The following ZMAT4 variants were observed in gnomAD, a reference collection of about 807,000 sequenced individuals.
The protein encoded by ZMAT4 is zinc finger matrin-type 4.
Under a neutral mutation model 28.7 loss-of-function variants are expected in ZMAT4, and 17 were observed. That is an observed-to-expected ratio of 0.59 (90% CI 0.41 to 0.89). The LOEUF is 0.89. Ranked by LOEUF, ZMAT4 falls within the 40% of genes least tolerant of loss-of-function variation. The pLI, the probability that ZMAT4 is intolerant of heterozygous loss-of-function variation, is 0.00. For missense variants in ZMAT4, 240 were observed against 283.8 expected, an observed-to-expected ratio of 0.85 and a Z score of 1.11; for synonymous variants, 117 against 109.2, an observed-to-expected ratio of 1.07 and a Z score of -0.44.
intron 5 of ZMAT4, among the ~76,000 whole-genome samples, chr8:40,615,550 C>T (rs1410985197): frequency 6.6e-6 from 1 of 152,216 alleles, no homozygotes; most frequent in Non-Finnish European, 1.5e-5. Context: ...CTCCCCGTCA[C>T]TGTCAAGTAC....
chr8:40,642,669 A>C (rs1215978486), intron 5 of ZMAT4, among the ~76,000 whole-genome samples: 1 of 152,216 alleles, frequency 6.6e-6, no homozygotes, highest in African/African-American at 2.4e-5. Flanking sequence ...CTGCTAGAGG[A>C]GGGCTATTAA....
chr8:40,720,301 G>A (rs1207547413), intron 3 of ZMAT4, among the ~76,000 whole-genome samples: 7 of 151,410 alleles, frequency 4.6e-5, no homozygotes, highest in Non-Finnish European at 8.8e-5. Flanking sequence ...ATTCAGAGTA[G>A]GTGTTCCCAA....
rs569500127 is a variant in ZMAT4 at position 40,673,984 on chromosome 8, G to A, written c.577+720C>T. Among the ~76,000 whole-genome samples the A allele has an allele frequency of 1.6e-4, 24 of 149,904 alleles. 2 individuals are homozygous for A. The highest frequency in any genetic ancestry group is 5.8e-4 in the African/African-American group (24 of 41,058). Reference sequence around the variant, plus strand: ...TTGAAGGGGCTTGGGCTTGCTTCAAGTCATTAAATTGAGTCAATTTGTTGC... The same window carrying A: ...TTGAAGGGGCTTGGGCTTGCTTCAAATCATTAAATTGAGTCAATTTGTTGC... On this transcript the variant is annotated intron_variant, in intron 5 of 6. Coordinates refer to ENST00000297737, the MANE Select transcript of ZMAT4 (RefSeq NM_024645.3).
At chr8:40,879,090 G>A (rs972048252) in intron 1 of ZMAT4, among the ~76,000 whole-genome samples, 2 of 152,166 alleles carry the variant, frequency 1.3e-5, no homozygotes, top group Non-Finnish European at 2.9e-5. Context: ...GCCTGATGCT[G>A]TCTCCACAGC....
chr8:40,661,208 C>A (rs1283124239), intron 5 of ZMAT4, among the ~76,000 whole-genome samples: 1 of 152,210 alleles, frequency 6.6e-6, no homozygotes, highest in Non-Finnish European at 1.5e-5. Context: ...TCAAGCGATT[C>A]TTTTGTCTCA....
chr8:40,756,799 C>A (rs1038245908), intron 3 of ZMAT4, among the ~76,000 whole-genome samples: 1 of 152,000 alleles, frequency 6.6e-6, no homozygotes, highest in Non-Finnish European at 1.5e-5. Context: ...ACATTTTCAA[C>A]TGATCAATAT....
At chr8:40,681,365 T>A (rs1809157068) in intron 4 of ZMAT4, among the ~76,000 whole-genome samples, 1 of 152,260 alleles carries the variant, frequency 6.6e-6, no homozygotes, top group Non-Finnish European at 1.5e-5. Flanking sequence ...CCAGTCCCTA[T>A]GATAAACTGC....
intron 5 of ZMAT4, among the ~76,000 whole-genome samples, chr8:40,599,805 G>T (rs1805235360): frequency 6.6e-6 from 1 of 152,200 alleles, no homozygotes; most frequent in Non-Finnish European, 1.5e-5. Context: ...AGAGTGGTGG[G>T]AGGCATAGGG....
intron 2 of ZMAT4, among the ~76,000 whole-genome samples, chr8:40,785,527 C>T (rs76201568): frequency 1.7e-3 from 254 of 152,298 alleles, no homozygotes; most frequent in African/African-American, 5.8e-3. Context: ...GCAAAGGAAA[C>T]AGAAGTGTCT....
chr8:40,673,079 C>A (rs1446918708), intron 5 of ZMAT4, among the ~76,000 whole-genome samples: 1 of 152,188 alleles, frequency 6.6e-6, no homozygotes, highest in Non-Finnish European at 1.5e-5. Flanking sequence ...GGATCTCCAA[C>A]TTTAAATCTA....
At chr8:40,854,997 G>C (rs1323504792) in intron 1 of ZMAT4, among the ~76,000 whole-genome samples, 1 of 152,122 alleles carries the variant, frequency 6.6e-6, no homozygotes, top group Non-Finnish European at 1.5e-5. Flanking sequence ...TCCAAGGACA[G>C]GTAGGGCATT....
chr8:40,546,556 G>A (rs977705769), intron 6 of ZMAT4, among the ~76,000 whole-genome samples: 1 of 152,176 alleles, frequency 6.6e-6, no homozygotes, highest in African/African-American at 2.4e-5. Context: ...GGCAAGTCCT[G>A]GTGGGAAGAA....
chr8:40,752,952 G>A (rs1026289100), intron 3 of ZMAT4, among the ~76,000 whole-genome samples: 2 of 152,006 alleles, frequency 1.3e-5, no homozygotes, highest in African/African-American at 4.8e-5. Flanking sequence ...AGGTATAAAT[G>A]TGCCATAGTG....
At chr8:40,617,398 C>A (rs150010345) in intron 5 of ZMAT4, among the ~76,000 whole-genome samples, 1 of 152,274 alleles carries the variant, frequency 6.6e-6, no homozygotes, top group African/African-American at 2.4e-5. Flanking sequence ...CTAATGCACA[C>A]CAAAGTTTGA....
Position 40,781,761 on chromosome 8 carries a change from CAAAAAAAAAAAAAAAA to C in ZMAT4, c.103-14047_103-14032del, listed in dbSNP as rs59432510. On this transcript the variant is annotated intron_variant, in intron 2 of 6. Transcript: ENST00000297737. ...TGGGCAACAGAGCGAGACTCCGTCT[CAAAAAAAAAAAAAAAA>C]AAAAAAAAAAAAAAGAAAAGAATCC... Among the ~76,000 whole-genome samples, 22 of 38,516 alleles carry C rather than the reference CAAAAAAAAAAAAAAAA, an allele frequency of 5.7e-4. No homozygotes were observed. The South Asian group carries it at 0.021, about 38-fold the overall frequency. 25.3% of individuals were successfully genotyped at this position (38,516 alleles called of 152,430 possible).
rs16890009 is a variant in ZMAT4 at position 40,830,969 on chromosome 8, C to A, written c.-4-5289G>T. 0.01 allele frequency among the ~76,000 whole-genome samples: 1,557 copies of A among 152,172 alleles called. 137 individuals carry two copies. The East Asian group carries it at 0.22, about 22-fold the overall frequency. On this transcript the variant is annotated intron_variant, in intron 1 of 6. Transcript: ENST00000297737. The stretch of plus-strand genomic sequence containing the variant: ...CCATCTAGCACAGACTGTGGCATAG[C>A]AGAGACACGCAAAAAGGGGATATTA...
intron 5 of ZMAT4, among the ~76,000 whole-genome samples, chr8:40,585,210 A>G (rs1804627256): frequency 6.6e-6 from 1 of 152,202 alleles, no homozygotes; most frequent in Admixed American, 6.6e-5. Flanking sequence ...CCATTTAATT[A>G]TGAGAAAAGA....
chr8:40,675,020 T>C, intron 4 of ZMAT4, 89 bp from the exon 5 acceptor site: 1 of 1,007,414 alleles, frequency 9.9e-7, no homozygotes, highest in East Asian at 2.4e-5. Flanking sequence ...AAAAGTCTCC[T>C]GTTCACTCTA....
At chr8:40,881,500 AGGAAGG>A (rs1818243954) in intron 1 of ZMAT4, among the ~76,000 whole-genome samples, 3 of 140,980 alleles carry the variant, frequency 2.1e-5, no homozygotes, top group African/African-American at 5.3e-5. Context: ...AGAAAGAAAG[AGGAAGG>A]AAGGAAGGGG....
Sources: allele counts gnomAD v4.1 joint callset (sites outside exome capture counted in the v4.1 genomes callset), GRCh38; gene constraint gnomAD v4.1.1; transcripts MANE v1.5; gene names NCBI Gene and HGNC (gene_info 2026-07-23, HGNC 2026-07-21).